Variants in ASCC3 observed in about 807,000 individuals in gnomAD.
ASCC3 encodes activating signal cointegrator 1 complex subunit 3.
Under a neutral mutation model 256.3 loss-of-function variants are expected in ASCC3, and 158 were observed. The observed-to-expected ratio is 0.62, with a 90% CI of 0.54 to 0.70. ASCC3 has a LOEUF of 0.70. Ranked by LOEUF, ASCC3 falls within the 30% of genes least tolerant of loss-of-function variation. ASCC3 has a pLI of 0.00. For missense variants in ASCC3, 2,259 were observed against 2,626.0 expected (o/e 0.86, Z 3.05); for synonymous variants, 948 against 883.4 (o/e 1.07, Z -1.30).
chr6:100,643,946 A>C, intron 23 of ASCC3, 85 bp downstream of exon 23: 2 of 907,780 alleles, frequency 2.2e-6, no homozygotes, highest in Non-Finnish European at 3.4e-6. Context: ...TGTACTATAA[A>C]ATTACAGAGA....
chr6:100,726,615 T>A (rs1385339212), intron 10 of ASCC3, among the ~76,000 whole-genome samples: 3 of 152,074 alleles, frequency 2.0e-5, no homozygotes, highest in Non-Finnish European at 2.9e-5. Context: ...ATGCTCAACC[T>A]GTACCACCAA....
intron 36 of ASCC3, among the ~76,000 whole-genome samples, chr6:100,553,078 G>C (rs924262397): frequency 6.6e-6 from 1 of 152,124 alleles, no homozygotes; most frequent in East Asian, 1.9e-4. Flanking sequence ...TGACATGCTT[G>C]CTTCACCACT....
At chr6:100,839,308 T>C (rs1026597731) in intron 4 of ASCC3, among the ~76,000 whole-genome samples, 82 of 152,194 alleles carry the variant, frequency 5.4e-4, no homozygotes, top group African/African-American at 2.0e-3. Context: ...TGGCACAGAG[T>C]ACAGAATTAA....
chr6:100,719,467 A>G (rs551635639), intron 11 of ASCC3, among the ~76,000 whole-genome samples: 201 of 152,216 alleles, frequency 1.3e-3, no homozygotes, highest in Non-Finnish European at 2.5e-3. Context: ...TTAAGACACA[A>G]TAGTTACAGA....
intron 13 of ASCC3, among the ~76,000 whole-genome samples, chr6:100,685,961 T>C (rs1582695202): frequency 2.0e-5 from 3 of 152,280 alleles, no homozygotes; most frequent in Non-Finnish European, 4.4e-5. Context: ...TAGTACTTCC[T>C]CTATCAAATA....
intron 14 of ASCC3, among the ~76,000 whole-genome samples, chr6:100,671,117 C>T (rs1776723741): frequency 6.6e-6 from 1 of 151,958 alleles, no homozygotes; most frequent in African/African-American, 2.4e-5. Context: ...TACCCATGCA[C>T]ACAGGCAAAC....
At chr6:100,660,201 G>C (rs1776125827) in intron 16 of ASCC3, among the ~76,000 whole-genome samples, 1 of 151,558 alleles carries the variant, frequency 6.6e-6, no homozygotes, top group African/African-American at 2.4e-5. Context: ...AAAAGTCTAG[G>C]TTTAGAGTTA....
chr6:100,597,744 G>A (rs1197934447), intron 34 of ASCC3, among the ~76,000 whole-genome samples: 3 of 149,066 alleles, frequency 2.0e-5, no homozygotes, highest in African/African-American at 7.5e-5. Flanking sequence ...AGGCCGAGAT[G>A]GGCGGTTCAC....
intron 4 of ASCC3, among the ~76,000 whole-genome samples, chr6:100,842,787 A>G (rs1181556245): frequency 2.0e-5 from 3 of 152,108 alleles, no homozygotes; most frequent in Non-Finnish European, 4.4e-5. Context: ...TCAGGACAAC[A>G]TCACAGAACC....
chr6:100,651,624 G>A lies in ASCC3; in HGVS notation c.3011C>T (p.Ala1004Val). 1 of 1,581,578 alleles carries A rather than the reference G, an allele frequency of 6.3e-7. No individual in the cohort carries two copies. The highest frequency in any genetic ancestry group is 1.3e-5 in the African/African-American group (1 of 74,308). The change falls in exon 19 of 42, where the codon GCT becomes GTT. Residue 1004 changes from alanine to valine, a missense_variant. Around this residue, in one of 2 missense-constraint regions of ASCC3, gnomAD observed 1,839 missense variants for 2,206.7 expected, o/e 0.83. Coordinates refer to ENST00000369162, the MANE Select transcript of ASCC3 (RefSeq NM_006828.4). The stretch of plus-strand genomic sequence containing the variant: ...AAAGATATCACCTTCTGTTTTGTGA[G>A]CATCAAAGAGTTCATTAAAGGTCTA... ...TIETFNELFDAHKTEGDIFAI... is the reference protein window; with the variant it reads ...TIETFNELFDVHKTEGDIFAI...
chr6:100,671,670 T>G (rs239203), intron 14 of ASCC3, among the ~76,000 whole-genome samples: 89,694 of 151,796 alleles, frequency 0.59, 26,992 homozygotes, highest in East Asian at 0.73. Context: ...ATCAGCACAA[T>G]TAAGGCATTA....
intron 25 of ASCC3, among the ~76,000 whole-genome samples, chr6:100,632,231 G>GAAAGAAT (rs1774591616): frequency 7.7e-6 from 1 of 129,036 alleles, no homozygotes; most frequent in African/African-American, 2.9e-5. Context: ...AATAGCACCA[G>GAAAGAAT]AAAGAATAAA....
chr6:100,541,585 C>T (rs754977273), intron 36 of ASCC3, among the ~76,000 whole-genome samples: 5 of 152,152 alleles, frequency 3.3e-5, no homozygotes, highest in African/African-American at 4.8e-5. Flanking sequence ...CAAAAAGCAA[C>T]ACCTAAAAGG....
chr6:100,806,234 C>G (rs540605593), intron 4 of ASCC3, among the ~76,000 whole-genome samples: 1 of 151,894 alleles, frequency 6.6e-6, no homozygotes, highest in East Asian at 1.9e-4. Flanking sequence ...AAATAGAGTC[C>G]AGAGTACTAT....
At chr6:100,755,798 T>C (rs771464017) in intron 10 of ASCC3, among the ~76,000 whole-genome samples, 5 of 152,178 alleles carry the variant, frequency 3.3e-5, no homozygotes, top group African/African-American at 7.2e-5. Flanking sequence ...CTTTTGGTTT[T>C]ATCAAAAAGC....
chr6:100,667,645 A>G (rs1292629326), intron 14 of ASCC3, among the ~76,000 whole-genome samples: 1 of 152,102 alleles, frequency 6.6e-6, no homozygotes, highest in African/African-American at 2.4e-5. Flanking sequence ...AGAAAGGGGG[A>G]TGAACATGAC....
chr6:100,631,463 T>C (rs930836516), intron 25 of ASCC3, among the ~76,000 whole-genome samples: 9 of 151,920 alleles, frequency 5.9e-5, no homozygotes, highest in Non-Finnish European at 1.2e-4. Context: ...ATAGATGAAT[T>C]TAAATTACTT....
chr6:100,847,440 C>T (rs1443212401), intron 4 of ASCC3, among the ~76,000 whole-genome samples: 1 of 152,110 alleles, frequency 6.6e-6, no homozygotes, highest in Non-Finnish European at 1.5e-5. Flanking sequence ...GTTGGCATAA[C>T]ACCTATGGGT....
chr6:100,510,133 C>T, intron 40 of ASCC3, 26 bp from the exon 41 acceptor site: 5 of 1,613,490 alleles, frequency 3.1e-6, no homozygotes, highest in Non-Finnish European at 4.2e-6. Flanking sequence ...AAAGATACAA[C>T]ATTAAAAATA....
Sources: gnomAD v4.1 joint callset for allele counts (sites outside exome capture counted in the v4.1 genomes callset) on GRCh38, gnomAD v4.1.1 for gene constraint, gnomAD v4.1.1 regional missense constraint, MANE v1.5 for transcripts, NCBI Gene and HGNC (gene_info 2026-07-23, HGNC 2026-07-21) for gene names.